The following RNGTT variants were observed in gnomAD, a reference collection of about 807,000 sequenced individuals.
RNGTT encodes RNA guanylyltransferase and 5'-phosphatase.
A neutral mutation model predicts 79.3 loss-of-function variants in RNGTT; 33 were observed. The observed-to-expected ratio is 0.42, with a 90% CI of 0.32 to 0.56. The LOEUF is 0.56. Among genes scored for constraint, RNGTT ranks in the 20% least tolerant of loss-of-function variants. The probability of loss-of-function intolerance (pLI) is 0.17; values close to 1 mark genes in which losing one functional copy is unlikely to be tolerated. For synonymous variants in RNGTT, 222 were observed against 235.9 expected (o/e 0.94, Z 0.54); for missense variants, 497 against 739.1 (o/e 0.67, Z 3.80).
chr6:88,785,517 T>C (rs1394157644), intron 12 of RNGTT, among the ~76,000 whole-genome samples: 2 of 152,178 alleles, frequency 1.3e-5, no homozygotes, highest in Non-Finnish European at 2.9e-5. Flanking sequence ...AAGGTATATT[T>C]TCTTTCTTGG....
chr6:88,655,007 C>T (rs1773924314), intron 14 of RNGTT, among the ~76,000 whole-genome samples: 1 of 152,112 alleles, frequency 6.6e-6, no homozygotes, highest in Non-Finnish European at 1.5e-5. Context: ...TGGAAGTCAT[C>T]GAACTAGAAC....
Position 88,929,210 on chromosome 6 carries a change from C to A in RNGTT, c.232G>T (p.Asp78Tyr). ...TNTSRFYDRN[D>Y]IEKEGIKYIK... is the part of the protein sequence containing the mutation. ...TATTTGATTCCTTCTTTTTCTATGT[C>A]ATTTCGGTCATAGAACCTTGAAGTA... The change falls in exon 3 of 16, where the codon GAC becomes TAC. Residue 78 changes from aspartate (D) to tyrosine (Y), a missense_variant. By Grantham distance (160) the Asp-to-Tyr change is radical. Around this residue, in one of 3 missense-constraint regions of RNGTT, gnomAD observed 440 missense variants for 671.5 expected, o/e 0.66. Transcript: ENST00000369485. 6.2e-7 allele frequency: 1 copy of A among 1,608,728 alleles called. No homozygotes were observed. The highest frequency in any genetic ancestry group is 8.5e-7 in the Non-Finnish European group (1 of 1,177,340).
rs184361438 is a variant in RNGTT at position 88,728,979 on chromosome 6, C to T, written c.1439+40795G>A. On this transcript the variant is annotated intron_variant, in intron 13 of 15. Coordinates refer to ENST00000369485, the MANE Select transcript of RNGTT (RefSeq NM_003800.5). ...CCAGAGGCCCAGATTGTCCCCTTTC[C>T]ACTAGGGTGGTCCTCCAGTCGACCG... 5.9e-5 allele frequency among the ~76,000 whole-genome samples: 9 copies of T among 152,340 alleles called. No homozygotes were observed. In the East Asian group the frequency reaches 1.5e-3, roughly 26 times the overall value.
chr6:88,932,187 T>G (rs970371459), intron 2 of RNGTT, among the ~76,000 whole-genome samples: 2 of 152,176 alleles, frequency 1.3e-5, no homozygotes, highest in African/African-American at 4.8e-5. Flanking sequence ...GGGTCTGCAG[T>G]TGCAGATAAG....
chr6:88,807,083 C>A (rs1413517082), intron 11 of RNGTT, among the ~76,000 whole-genome samples: 1 of 152,028 alleles, frequency 6.6e-6, no homozygotes, highest in Non-Finnish European at 1.5e-5. Flanking sequence ...ACACACCAGG[C>A]ACCTGTGGGG....
At chr6:88,915,166 G>C (rs1371516926) in intron 4 of RNGTT, among the ~76,000 whole-genome samples, 3 of 152,148 alleles carry the variant, frequency 2.0e-5, no homozygotes, top group African/African-American at 4.8e-5. Flanking sequence ...TACACTGTTG[G>C]GGGGAATGTA....
At chr6:88,637,939 T>C (rs894312240) in intron 14 of RNGTT, among the ~76,000 whole-genome samples, 7 of 152,150 alleles carry the variant, frequency 4.6e-5, no homozygotes, top group African/African-American at 1.7e-4. Context: ...AGCCAAGGCA[T>C]ACCCACTACT....
At chr6:88,647,823 T>A (rs1259004263) in intron 14 of RNGTT, among the ~76,000 whole-genome samples, 3 of 151,704 alleles carry the variant, frequency 2.0e-5, no homozygotes, top group African/African-American at 7.3e-5. Flanking sequence ...CTATTTTTCC[T>A]GAATCAAATC....
intron 4 of RNGTT, among the ~76,000 whole-genome samples, chr6:88,928,696 T>C (rs1784394840): frequency 6.6e-6 from 1 of 152,142 alleles, no homozygotes; most frequent in South Asian, 2.1e-4. Flanking sequence ...GTATAAAATG[T>C]AAAATTATAA....
At chr6:88,678,315 A>G in intron 14 of RNGTT, 38 bp downstream of exon 14, 5 of 1,584,506 alleles carry the variant, frequency 3.2e-6, no homozygotes, top group Non-Finnish European at 4.3e-6. Context: ...AGATAAGAGA[A>G]CATCCAGGAA....
At position 88,849,880 on chromosome 6, in the gene RNGTT, A is replaced by T. The variant is rs557557494; in HGVS notation, c.1033-54T>A. On this transcript the variant is annotated intron_variant, in intron 9 of 15. Coordinates refer to ENST00000369485, the MANE Select transcript of RNGTT (RefSeq NM_003800.5). The stretch of plus-strand genomic sequence containing the variant: ...TCATACTTTAATAACAATTTTTTTT[A>T]ATTTAATTGAAATATGGCATACACA... 4.8e-6 allele frequency: 7 copies of T among 1,460,938 alleles called. No homozygotes were observed. In the African/African-American group the frequency reaches 7.3e-5, roughly 15 times the overall value. 90.5% of individuals were successfully genotyped at this position (1,460,938 alleles called of 1,614,324 possible). A position where few individuals can be genotyped will look rare whatever the true frequency, so the allele number is the denominator to read the frequency against.
intron 13 of RNGTT, among the ~76,000 whole-genome samples, chr6:88,763,091 T>TTC (rs1778325477): frequency 9.5e-6 from 1 of 105,412 alleles, no homozygotes; most frequent in Non-Finnish European, 2.1e-5. Context: ...GGCCAGCTTT[T>TTC]TTTTTTTTTT....
intron 12 of RNGTT, among the ~76,000 whole-genome samples, chr6:88,771,855 A>C (rs1025215530): frequency 1.3e-5 from 2 of 152,140 alleles, no homozygotes; most frequent in Non-Finnish European, 1.5e-5. Flanking sequence ...TAAAAATCAA[A>C]AGAAAAAAAA....
At chr6:88,917,171 T>C (rs1298436884) in intron 4 of RNGTT, among the ~76,000 whole-genome samples, 1 of 152,252 alleles carries the variant, frequency 6.6e-6, no homozygotes, top group African/African-American at 2.4e-5. Flanking sequence ...TAGGTTTGCA[T>C]AGGCCTGCCC....
chr6:88,883,685 C>A (rs542158812), intron 8 of RNGTT, among the ~76,000 whole-genome samples: 8 of 152,034 alleles, frequency 5.3e-5, no homozygotes, highest in South Asian at 2.1e-4. Context: ...TCAAACCATA[C>A]AAATATTAGA....
At chr6:88,799,333 T>C (rs967190226) in intron 12 of RNGTT, among the ~76,000 whole-genome samples, 5 of 152,138 alleles carry the variant, frequency 3.3e-5, no homozygotes, top group African/African-American at 1.2e-4. Context: ...TCAACAAATA[T>C]TTAAGGTAAT....
chr6:88,876,328 A>G (rs975900045), intron 8 of RNGTT, among the ~76,000 whole-genome samples: 1 of 152,212 alleles, frequency 6.6e-6, no homozygotes, highest in African/African-American at 2.4e-5. Context: ...CAGGAGTTTG[A>G]GACCAGCCTG....
intron 13 of RNGTT, among the ~76,000 whole-genome samples, chr6:88,737,972 T>G (rs1157757754): frequency 6.6e-6 from 1 of 152,188 alleles, no homozygotes; most frequent in Non-Finnish European, 1.5e-5. Flanking sequence ...AAGTGTAGGC[T>G]TCACATAGTG....
intron 11 of RNGTT, among the ~76,000 whole-genome samples, chr6:88,834,439 T>C (rs1411115805): frequency 6.6e-6 from 1 of 152,238 alleles, no homozygotes; most frequent in Non-Finnish European, 1.5e-5. Context: ...AATGCAAAAC[T>C]GAACACCACA....
Sources: gnomAD v4.1 joint callset for allele counts (sites outside exome capture counted in the v4.1 genomes callset) on GRCh38, gnomAD v4.1.1 for gene constraint, gnomAD v4.1.1 regional missense constraint, MANE v1.5 for transcripts, NCBI Gene and HGNC (gene_info 2026-07-23, HGNC 2026-07-21) for gene names.